The following ANO2 variants were observed in gnomAD, a reference collection of about 807,000 sequenced individuals.
ANO2 encodes the protein anoctamin 2, also known as anoctamin-2.
ANO2 carries 101 observed loss-of-function variants against 124.2 expected under a neutral mutation model. The observed-to-expected ratio is 0.81, with a 90% CI of 0.69 to 0.96. ANO2 has a LOEUF of 0.96. ANO2 is among the 40% of genes least tolerant of loss of function. The pLI is 0.00. For missense variants in ANO2, 1,293 were observed against 1,274.5 expected (o/e 1.01, Z -0.22); for synonymous variants, 486 against 482.5 (o/e 1.01, Z -0.09).
At chr12:5,836,281 A>G (rs1954315342) in intron 4 of ANO2, among the ~76,000 whole-genome samples, 1 of 152,274 alleles carries the variant, frequency 6.6e-6, no homozygotes, top group Admixed American at 6.5e-5. Context: ...AATCTTTAGC[A>G]TAATTAGGTC....
intron 14 of ANO2, among the ~76,000 whole-genome samples, chr12:5,719,299 A>C (rs907435439): frequency 7.0e-6 from 1 of 143,372 alleles, no homozygotes; most frequent in African/African-American, 2.5e-5. Context: ...ATTAAGACAC[A>C]CACACTCACA....
chr12:5,611,327 TATTCTGA>T (rs1944535612), intron 19 of ANO2, among the ~76,000 whole-genome samples: 1 of 152,160 alleles, frequency 6.6e-6, no homozygotes. Context: ...GACCTTTACT[TATTCTGA>T]ATTCTGAATT....
In ANO2 at chr12:5,578,374, T is replaced by G; in HGVS notation, c.2378A>C (p.Lys793Thr). The change falls in exon 21 of 25, where the codon AAA becomes ACA. Residue 793 changes from lysine (K) to threonine (T), a missense_variant. Coordinates refer to ENST00000682330, the MANE Select transcript of ANO2 (RefSeq NM_001364791.2). ...ELRRPDAVRT[K>T]DIGIWFDILS... The stretch of plus-strand genomic sequence containing the variant: ...CTAAGTGGGGCACGTACCGATATCT[T>G]TGGTTCTTACAGCATCCGGCCGTCT... 6.2e-7 allele frequency: 1 copy of G among 1,613,754 alleles called. No individual in the cohort carries two copies. The highest frequency in any genetic ancestry group is 1.1e-5 in the South Asian group (1 of 91,038).
chr12:5,731,854 A>G (rs986816368), intron 14 of ANO2, among the ~76,000 whole-genome samples: 1 of 152,202 alleles, frequency 6.6e-6, no homozygotes, highest in African/African-American at 2.4e-5. Context: ...AACATTGCAC[A>G]AGTAGCTTGA....
At chr12:5,761,017 T>A (rs1269492613) in intron 10 of ANO2, among the ~76,000 whole-genome samples, 2 of 148,276 alleles carry the variant, frequency 1.3e-5, no homozygotes, top group African/African-American at 5.0e-5. Flanking sequence ...GTAGTAAAAC[T>A]TCATCAGCTC....
rs1017456409 is a variant in ANO2 at position 5,743,447 on chromosome 12, C to T, written c.1351+710G>A. Among the ~76,000 whole-genome samples, 9 of 150,384 alleles carry T rather than the reference C, an allele frequency of 6.0e-5. No individual in the cohort carries two copies. In the South Asian group the frequency reaches 1.1e-3, roughly 18 times the overall value. ...CAGTTACCATGGGGTGGTTATCCCG[C>T]GTTATTCCAGTTTGTGAGAATAGGC... On this transcript the variant is annotated intron_variant, in intron 12 of 24. Coordinates refer to ENST00000682330, the MANE Select transcript of ANO2 (RefSeq NM_001364791.2).
intron 3 of ANO2, among the ~76,000 whole-genome samples, chr12:5,868,452 T>C (rs185871736): frequency 2.3e-4 from 35 of 152,262 alleles, no homozygotes; most frequent in African/African-American, 8.4e-4. Flanking sequence ...GAAGCAATAG[T>C]GACCTCATAG....
At chr12:5,579,732 A>G (rs1445436978) in intron 20 of ANO2, among the ~76,000 whole-genome samples, 1 of 152,090 alleles carries the variant, frequency 6.6e-6, no homozygotes. Flanking sequence ...TCTGCCTCCA[A>G]TCTGCCTCCC....
intron 15 of ANO2, among the ~76,000 whole-genome samples, chr12:5,640,767 C>T (rs898334259): frequency 1.3e-5 from 2 of 152,320 alleles, no homozygotes; most frequent in Admixed American, 1.3e-4. Context: ...CACTTTTACA[C>T]TGTTGGTGGG....
intron 14 of ANO2, among the ~76,000 whole-genome samples, chr12:5,648,664 C>G (rs1299626271): frequency 1.3e-5 from 2 of 152,204 alleles, no homozygotes; most frequent in African/African-American, 4.8e-5. Flanking sequence ...CTTGATTTCT[C>G]TGAGCTGCAG....
At chr12:5,638,211 T>A (rs976962694) in intron 15 of ANO2, among the ~76,000 whole-genome samples, 1 of 151,012 alleles carries the variant, frequency 6.6e-6, no homozygotes, top group African/African-American at 2.4e-5. Flanking sequence ...ATTCGATGCA[T>A]ATCTTCACTA....
In ANO2 at chr12:5,615,217, G is replaced by T. The variant is rs140993860; in HGVS notation, c.1897C>A (p.Pro633Thr). ...FLLKFVNAYSPIFYVAFFKGR... is the reference protein window; with the variant it reads ...FLLKFVNAYSTIFYVAFFKGR... The stretch of plus-strand genomic sequence containing the variant: ...TTGAAAAAGGCCACATAGAAGATGG[G>T]GGAGTAGGCATTGACAAACTTGAGC... Residue 633 changes from proline (P) to threonine (T), a missense_variant, in exon 17 of 25, where the codon CCC becomes ACC. By Grantham distance (38) the Pro-to-Thr change is conservative (BLOSUM62 -1). Transcript: ENST00000682330. The T allele has an allele frequency of 2.5e-6, 4 of 1,613,590 alleles. No homozygotes were observed. Among genetic ancestry groups the T allele is most frequent in the Non-Finnish European group, 2.5e-6 (3 of 1,179,778 alleles).
intron 4 of ANO2, among the ~76,000 whole-genome samples, chr12:5,845,881 G>A (rs1284780340): frequency 3.3e-5 from 5 of 152,170 alleles, no homozygotes; most frequent in Admixed American, 6.5e-5. Flanking sequence ...AACAAATCAC[G>A]TACATAAGGC....
intron 3 of ANO2, among the ~76,000 whole-genome samples, chr12:5,879,853 G>A (rs1279116368): frequency 1.3e-5 from 2 of 152,182 alleles, no homozygotes; most frequent in Non-Finnish European, 2.9e-5. Flanking sequence ...GTGTGAACTC[G>A]TTCTGAGGTG....
At chr12:5,739,156 A>G (rs1275252803) in intron 13 of ANO2, 161 bp downstream of exon 13, 3 of 738,968 alleles carry the variant, frequency 4.1e-6, no homozygotes, top group South Asian at 1.5e-5. Flanking sequence ...TAGGTCAACC[A>G]TGGCCCAAGT....
At chr12:5,878,235 C>A (rs368732135) in intron 3 of ANO2, among the ~76,000 whole-genome samples, 10 of 152,256 alleles carry the variant, frequency 6.6e-5, no homozygotes, top group Middle Eastern at 3.4e-3. Flanking sequence ...CCAATTCTTA[C>A]GATAATGCTG....
At chr12:5,633,822 C>G (rs1945860251) in intron 16 of ANO2, among the ~76,000 whole-genome samples, 1 of 152,188 alleles carries the variant, frequency 6.6e-6, no homozygotes, top group African/African-American at 2.4e-5. Flanking sequence ...GCATGCCTTT[C>G]CTGACCCCAG....
At chr12:5,699,539 G>A (rs147263093) in intron 14 of ANO2, among the ~76,000 whole-genome samples, 2,850 of 151,706 alleles carry the variant, frequency 0.019, 97 homozygotes, top group African/African-American at 0.063. Context: ...ATCAACTAAC[G>A]AGCAAAATAA....
intron 7 of ANO2, among the ~76,000 whole-genome samples, chr12:5,813,778 C>T (rs1379240029): frequency 2.0e-5 from 3 of 152,290 alleles, no homozygotes; most frequent in East Asian, 3.9e-4. Context: ...GCCTCGTTGG[C>T]TCATATGTAC....
Sources: gnomAD v4.1 joint callset for allele counts (sites outside exome capture counted in the v4.1 genomes callset) on GRCh38, gnomAD v4.1.1 for gene constraint, MANE v1.5 for transcripts, NCBI Gene and HGNC (gene_info 2026-07-23, HGNC 2026-07-21) for gene names.